Variants in PARP3 observed in about 807,000 individuals in gnomAD.
PARP3 encodes protein mono-ADP-ribosyltransferase PARP3.
PARP3 carries 46 observed loss-of-function variants against 58.2 expected under a neutral mutation model. That is an observed-to-expected ratio of 0.79 (90% CI 0.62 to 1.01). The LOEUF (loss-of-function observed/expected upper bound fraction) is 1.01. PARP3 is among the 50% of genes least tolerant of loss of function. The probability of loss-of-function intolerance (pLI) is 0.00; values close to 1 mark genes in which losing one functional copy is unlikely to be tolerated. For missense variants in PARP3, 663 were observed against 683.9 expected (o/e 0.97, Z 0.34); for synonymous variants, 252 against 266.4 (o/e 0.95, Z 0.53).
At position 51,946,467 on chromosome 3, in the gene PARP3, A is replaced by T; in HGVS notation, c.1276+124A>T. On this transcript the variant is annotated intron_variant, in intron 9 of 10. Coordinates refer to ENST00000398755, the MANE Select transcript of PARP3 (RefSeq NM_001003931.4). This position sits in a 1 kb window ranked among gnomAD's most constrained non-coding sequence, Gnocchi z 4.6. ...GAATCCTTTAATGGTTAATGACTAC[A>T]GTGCTCAGTGGGCTGTCCTGGGCTT... is the stretch of plus-strand genomic sequence containing the variant. The T allele has an allele frequency of 1.3e-6, 1 of 793,256 alleles. No homozygotes were observed. Among genetic ancestry groups the T allele is most frequent in the Non-Finnish European group, 2.0e-6 (1 of 510,258 alleles). The allele number at this position is 793,256 out of a possible 1,614,324, so 49.1% of individuals were successfully genotyped here. A position where few individuals can be genotyped will look rare whatever the true frequency, so the allele number is the denominator to read the frequency against.
chr3:51,946,149 A>T lies in PARP3; in HGVS notation c.1099-17A>T. ...TCGGGTGGCATCACTCCCATTTCTC[A>T]CTTCCTCTCCACTCAGGAAGACAGA... is the stretch of plus-strand genomic sequence containing the variant. On this transcript the variant is annotated splice_polypyrimidine_tract_variant and intron_variant, in intron 8 of 10. Transcript: ENST00000398755. The surrounding 1 kb of genome is among the most constrained non-coding windows in gnomAD (Gnocchi z 4.6). 1.3e-6 allele frequency: 2 copies of T among 1,574,888 alleles called. No homozygotes were observed. The highest frequency in any genetic ancestry group is 1.7e-6 in the Non-Finnish European group (2 of 1,158,032).
chr3:51,944,946 T>G lies in PARP3; in HGVS notation c.634+36T>G. 1 of 1,612,710 alleles carries G rather than the reference T, an allele frequency of 6.2e-7. No homozygotes were observed. Among genetic ancestry groups the G allele is most frequent in the African/African-American group, 1.3e-5 (1 of 74,902 alleles). On this transcript the variant is annotated intron_variant, in intron 5 of 10. Transcript: ENST00000398755. This position sits in a 1 kb window ranked among gnomAD's most constrained non-coding sequence, Gnocchi z 4.2. ...AGAGGCAGGCAGGGTGGCAGGGGCC[T>G]CAGGGTGGCAGGGCTGTGGGGCTGA...
chr3:51,942,992 C>G, intron 1 of PARP3: 6 of 1,402,508 alleles, frequency 4.3e-6, no homozygotes, highest in South Asian at 3.2e-5. Context: ...GGAGGAGCCC[C>G]GAAGTGGAAG....
intron 8 of PARP3, 55 bp downstream of exon 8, chr3:51,945,994 C>T (rs1458482602): frequency 2.0e-6 from 3 of 1,510,804 alleles, no homozygotes; most frequent in Non-Finnish European, 2.8e-6. Flanking sequence ...AGGAAGATGT[C>T]CTTGGCTAAT....
Position 51,948,628 on chromosome 3 carries a change from G to A in PARP3, c.*148G>A, listed in dbSNP as rs908927162. 4.1e-5 allele frequency: 29 copies of A among 703,580 alleles called. No homozygotes were observed. The South Asian group carries it at 5.8e-4, about 14-fold the overall frequency. The allele number at this position is 703,580 out of a possible 1,614,324, so 43.6% of individuals were successfully genotyped here. On this transcript the variant is annotated 3_prime_UTR_variant, in exon 11 of 11. Transcript: ENST00000398755. ...AGTCACCATGCTGTACAAGATCCCTGAACTTATGCCTCCTAACTGAAATTT... is the reference window on the plus strand; with the variant it reads ...AGTCACCATGCTGTACAAGATCCCTAAACTTATGCCTCCTAACTGAAATTT...
Position 51,943,399 on chromosome 3 carries a change from A to T in PARP3, c.44A>T (p.Glu15Val), listed in dbSNP as rs778869919. The T allele has an allele frequency of 2.5e-6, 4 of 1,597,416 alleles. No homozygotes were observed. The highest frequency in any genetic ancestry group is 3.4e-6 in the Non-Finnish European group (4 of 1,174,988). The change falls in exon 2 of 11, where the codon GAG becomes GTG. Residue 15 changes from glutamate to valine, a missense_variant. Glu to Val is a moderately radical substitution (Grantham distance 121). This residue lies in a region of PARP3 where 567 missense variants were observed against 553.6 expected (regional missense o/e 1.02). Coordinates refer to ENST00000398755, the MANE Select transcript of PARP3 (RefSeq NM_001003931.4). ...CCCTGGGTACAGACTGAGGGCCCTGAGAAGAAGAAGGGCCGGCAGGCAGGA... is the reference window on the plus strand; with the variant it reads ...CCCTGGGTACAGACTGAGGGCCCTGTGAAGAAGAAGGGCCGGCAGGCAGGA... ...PKPWVQTEGP[E>V]KKKGRQAGRE... is the part of the protein sequence containing the mutation.
Position 51,943,454 on chromosome 3 carries a change from T to TC in PARP3, c.99_100insC (p.Glu34ArgfsTer31), listed in dbSNP as rs754202307. The TC allele has an allele frequency of 6.2e-7, 1 of 1,609,420 alleles. No homozygotes were observed. The highest frequency in any genetic ancestry group is 1.1e-5 in the South Asian group (1 of 90,186). ...AGGAGGACCCCTTCCGCTCCACCGC[T>TC]GAGGCCCTCAAGGCCATACCCGCAG... On this transcript the variant is annotated frameshift_variant, in exon 2 of 11. Coordinates refer to ENST00000398755, the MANE Select transcript of PARP3 (RefSeq NM_001003931.4). LOFTEE classifies it high-confidence loss of function.
rs1217800062 is a variant in PARP3, at chr3:51,946,728, G to A, written c.1276+385G>A. ...GAGCTATGATCACACTCCAGCCTGTGTGACAGAGCCAGACTCCATCTGAAA... is the reference window on the plus strand; with the variant it reads ...GAGCTATGATCACACTCCAGCCTGTATGACAGAGCCAGACTCCATCTGAAA... On this transcript the variant is annotated intron_variant, in intron 9 of 10. Coordinates refer to ENST00000398755, the MANE Select transcript of PARP3 (RefSeq NM_001003931.4). The surrounding 1 kb of genome is among the most constrained non-coding windows in gnomAD (Gnocchi z 4.6). Among the ~76,000 whole-genome samples, 3 of 152,200 alleles carry A rather than the reference G, an allele frequency of 2.0e-5. No homozygotes were observed. The highest frequency in any genetic ancestry group is 3.9e-4 in the East Asian group (2 of 5,192).
At chr3:51,947,970 G>T in intron 10 of PARP3, 75 bp downstream of exon 10, 1 of 1,444,122 alleles carries the variant, frequency 6.9e-7, no homozygotes, top group Non-Finnish European at 9.5e-7. Flanking sequence ...TTCAGGGAGG[G>T]GGCTGTGAAG....
chr3:51,942,946 G>C, intron 1 of PARP3: 1 of 1,411,374 alleles, frequency 7.1e-7, no homozygotes, highest in East Asian at 2.6e-5. Context: ...GACTCGGCCC[G>C]GCAACCATGC....
rs1472804833 is a variant in PARP3, at chr3:51,944,252, G to A, written c.312+35G>A. On this transcript the variant is annotated intron_variant, in intron 3 of 10. Transcript: ENST00000398755. This position sits in a 1 kb window ranked among gnomAD's most constrained non-coding sequence, Gnocchi z 4.2. ...CTGCCTGCTCTGCACATACTCCCCA[G>A]GGTCCTCAAAAGGCCACAGCTACTG... 2.5e-6 allele frequency: 4 copies of A among 1,613,068 alleles called. No individual in the cohort carries two copies. The African/African-American group carries it at 4.0e-5, about 16-fold the overall frequency.
In PARP3 at chr3:51,942,477, G is replaced by T; in HGVS notation, c.-234G>T. 1.6e-6 allele frequency: 1 copy of T among 644,502 alleles called. No homozygotes were observed. Among genetic ancestry groups the T allele is most frequent in the African/African-American group, 1.8e-5 (1 of 55,948 alleles). The allele number at this position is 644,502 out of a possible 1,614,324, so 39.9% of individuals were successfully genotyped here. On this transcript the variant is annotated 5_prime_UTR_variant, in exon 1 of 11. Coordinates refer to ENST00000398755, the MANE Select transcript of PARP3 (RefSeq NM_001003931.4). ...GAGTGTCCACCCGTCCGTGGGACTG[G>T]TCGCCTGACTCGGCCTGCCCCAGCC... is the stretch of plus-strand genomic sequence containing the variant.
intron 1 of PARP3, 181 bp from the exon 2 acceptor site, chr3:51,943,173 G>A (rs1559746307): frequency 3.2e-6 from 3 of 934,896 alleles, no homozygotes; most frequent in Non-Finnish European, 4.7e-6. Context: ...GCTGGGTGTG[G>A]TCTGGGGCTG....
In PARP3 at chr3:51,944,199, G is replaced by A; in HGVS notation, c.294G>A (p.Trp98Ter). 6.2e-7 allele frequency: 1 copy of A among 1,613,978 alleles called. No homozygotes were observed. The highest frequency in any genetic ancestry group is 1.3e-5 in the African/African-American group (1 of 74,998). Reference protein sequence around the residue: ...LQDSNRFFTCWNRWGRVGEVG... With the variant: ...LQDSNRFFTC ...ACAGCAACCGCTTCTTCACCTGCTGGAACCGCTGGGGCCGTGTGGTGAGTG... is the reference window on the plus strand; with the variant it reads ...ACAGCAACCGCTTCTTCACCTGCTGAAACCGCTGGGGCCGTGTGGTGAGTG... The change falls in exon 3 of 11, where the codon TGG becomes TGA. Residue 98 changes from tryptophan (W) to a stop codon, truncating the protein, a stop_gained. Coordinates refer to ENST00000398755, the MANE Select transcript of PARP3 (RefSeq NM_001003931.4). LOFTEE classifies it high-confidence loss of function. This position sits in a 1 kb window ranked among gnomAD's most constrained non-coding sequence, Gnocchi z 4.2.
Position 51,944,918 on chromosome 3 carries a change from G to A in PARP3, c.634+8G>A, listed in dbSNP as rs990851125. 3 of 1,613,698 alleles carry A rather than the reference G, an allele frequency of 1.9e-6. No homozygotes were observed. The African/African-American group carries it at 4.0e-5, about 22-fold the overall frequency. On this transcript the variant is annotated splice_region_variant and intron_variant, in intron 5 of 10. Transcript: ENST00000398755. This position sits in a 1 kb window ranked among gnomAD's most constrained non-coding sequence, Gnocchi z 4.2. Reference sequence around the variant, plus strand: ...TGGCCCTCATGGACCTGGGTGAGGGGTGAGAGGCAGGCAGGGTGGCAGGGG... The same window carrying A: ...TGGCCCTCATGGACCTGGGTGAGGGATGAGAGGCAGGCAGGGTGGCAGGGG...
rs1699625476 is a variant in PARP3 at position 51,944,527 on chromosome 3, C to T, written c.450C>T (p.Tyr150=). 6.2e-7 allele frequency: 1 copy of T among 1,614,224 alleles called. No homozygotes were observed. The change falls in exon 4 of 11, where the codon TAC becomes TAT. Residue 150 remains tyrosine (Y), a synonymous_variant. Transcript: ENST00000398755. The surrounding 1 kb of genome is among the most constrained non-coding windows in gnomAD (Gnocchi z 4.2). ...ACTTTGTGTCTCACCCGGGCAAGTACACACTTATCGAAGTACAGGCAGAGG... is the reference window on the plus strand; with the variant it reads ...ACTTTGTGTCTCACCCGGGCAAGTATACACTTATCGAAGTACAGGCAGAGG... ...RDHFVSHPGK[Y]TLIEVQAEDE...
At chr3:51,942,828 C>A in intron 1 of PARP3, 120 bp downstream of exon 1, 1 of 1,475,854 alleles carries the variant, frequency 6.8e-7, no homozygotes, top group South Asian at 1.4e-5. Context: ...ACTCTTGAGT[C>A]CATTGGGAAG....
In PARP3 at chr3:51,942,646, G is replaced by A; in HGVS notation, c.-65G>A. 8.8e-7 allele frequency: 1 copy of A among 1,130,234 alleles called. No individual in the cohort carries two copies. The highest frequency in any genetic ancestry group is 1.3e-6 in the Non-Finnish European group (1 of 759,112). The allele number at this position is 1,130,234 out of a possible 1,614,324, so 70.0% of individuals were successfully genotyped here. On this transcript the variant is annotated 5_prime_UTR_variant, in exon 1 of 11. Coordinates refer to ENST00000398755, the MANE Select transcript of PARP3 (RefSeq NM_001003931.4). ...AGTTGCTAGACCTGGGACTGCCCTG[G>A]GAGGCGCACACAACCAGGCCGGGTG...
rs751685874 is a variant in PARP3 at position 51,945,189 on chromosome 3, C to T, written c.826C>T (p.Pro276Ser). The T allele has an allele frequency of 6.2e-7, 1 of 1,614,026 alleles. No homozygotes were observed. Among genetic ancestry groups the T allele is most frequent in the Non-Finnish European group, 8.5e-7 (1 of 1,180,036 alleles). ...GHSQPPPINS[P>S]ELLQAKKDML... Reference sequence around the variant, plus strand: ...CAGCCAGCCCCCGCCCATCAATTCCCCTGAGCTTCTGCAGGCCAAGAAGGA... The same window carrying T: ...CAGCCAGCCCCCGCCCATCAATTCCTCTGAGCTTCTGCAGGCCAAGAAGGA... Residue 276 changes from proline to serine, a missense_variant, in exon 6 of 11, where the codon CCT becomes TCT. By Grantham distance (74) the Pro-to-Ser change is moderately conservative (BLOSUM62 -1). Around this residue, in one of 3 missense-constraint regions of PARP3, gnomAD observed 567 missense variants for 553.6 expected, o/e 1.02. Transcript: ENST00000398755.
Sources: gnomAD v4.1 joint callset for allele counts (sites outside exome capture counted in the v4.1 genomes callset) on GRCh38, gnomAD v4.1.1 for gene constraint, gnomAD v4.1.1 regional missense constraint, Gnocchi (gnomAD v3.1) non-coding constraint, MANE v1.5 for transcripts, NCBI Gene and HGNC (gene_info 2026-07-23, HGNC 2026-07-21) for gene names.